The following PDE12 variants were observed in gnomAD, a reference collection of about 807,000 sequenced individuals.
The protein encoded by PDE12 is 2',5'-phosphodiesterase 12.
In PDE12, 26 loss-of-function variants were observed where a neutral mutation model predicts 45.4. That is an observed-to-expected ratio of 0.57 (90% CI 0.42 to 0.79). The LOEUF is 0.79. Ranked by LOEUF, PDE12 falls within the 30% of genes least tolerant of loss-of-function variation. PDE12 has a pLI of 0.00. For synonymous variants in PDE12, 283 were observed against 323.9 expected (o/e 0.87, Z 1.36); for missense variants, 668 against 790.0 (o/e 0.85, Z 1.85).
chr3:57,644,999 T>C, the PDE12 span, among the ~76,000 whole-genome samples: 1 of 151,718 alleles, frequency 6.6e-6, no homozygotes, highest in Non-Finnish European at 1.5e-5. Context: ...ATTTTTGTTG[T>C]TGCTTTAGAA....
the PDE12 span, chr3:57,584,346 A>C: frequency 2.8e-6 from 4 of 1,454,400 alleles, no homozygotes; most frequent in Admixed American, 3.5e-5. Context: ...TCACTTTACA[A>C]CATATCATGA....
rs1020036109 is a variant in PDE12, at chr3:57,556,506, G to C, written c.127G>C (p.Val43Leu). The change falls in exon 1 of 3, where the codon GTA becomes CTA. Residue 43 changes from valine to leucine, a missense_variant. Val to Leu is a conservative substitution (Grantham distance 32). This residue lies in a region of PDE12 where 580 missense variants were observed against 662.9 expected (regional missense o/e 0.87). Transcript: ENST00000311180. The surrounding 1 kb of genome is among the most constrained non-coding windows in gnomAD (Gnocchi z 5.0). The stretch of plus-strand genomic sequence containing the variant: ...GATGGAGCGCGCTGTAGTGCGCTGC[G>C]TACCTTCGGAACCCAAGCTGAGCCT... ...GAMERAVVRCVPSEPKLSLSF... is the reference protein window; with the variant it reads ...GAMERAVVRCLPSEPKLSLSF... 3.1e-6 allele frequency: 5 copies of C among 1,613,414 alleles called. No homozygotes were observed. Among genetic ancestry groups the C allele is most frequent in the Admixed American group, 1.7e-5 (1 of 60,036 alleles).
rs1008289622 is a variant in PDE12, at chr3:57,556,480, C to T, written c.101C>T (p.Ala34Val). The change falls in exon 1 of 3, where the codon GCG becomes GTG. Residue 34 changes from alanine (A) to valine (V), a missense_variant. Physicochemically the swap from Ala to Val is moderately conservative, Grantham distance 64. This residue lies in a region of PDE12 where 580 missense variants were observed against 662.9 expected (regional missense o/e 0.87). Coordinates refer to ENST00000311180, the MANE Select transcript of PDE12 (RefSeq NM_177966.7). This position sits in a 1 kb window ranked among gnomAD's most constrained non-coding sequence, Gnocchi z 5.0. ...GCGGGGAGCCAGACAGCGGCGGGAGCGATGGAGCGCGCTGTAGTGCGCTGC... is the reference window on the plus strand; with the variant it reads ...GCGGGGAGCCAGACAGCGGCGGGAGTGATGGAGCGCGCTGTAGTGCGCTGC... ...AEAGSQTAAG[A>V]MERAVVRCVP... 74 of 1,612,532 alleles carry T rather than the reference C, an allele frequency of 4.6e-5. No homozygotes were observed. The Admixed American group carries it at 1.2e-3, about 27-fold the overall frequency.
the PDE12 span, among the ~76,000 whole-genome samples, chr3:57,608,787 C>T: frequency 4.6e-5 from 7 of 152,176 alleles, no homozygotes; most frequent in East Asian, 3.9e-4. Flanking sequence ...ATAATAATAA[C>T]GGGAGCCTTT....
chr3:57,559,204 G>A lies in PDE12; in HGVS notation c.1309-106G>A. 3 of 891,452 alleles carry A rather than the reference G, an allele frequency of 3.4e-6. No individual in the cohort carries two copies. In the South Asian group the frequency reaches 4.5e-5, roughly 13 times the overall value. The allele number at this position is 891,452 out of a possible 1,614,324, so 55.2% of individuals were successfully genotyped here. A position where few individuals can be genotyped will look rare whatever the true frequency, so the allele number is the denominator to read the frequency against. On this transcript the variant is annotated intron_variant, in intron 1 of 2. Transcript: ENST00000311180. ...CTACTGCACTCCAGCCTGGTTGACA[G>A]AGTGAGACTGTCTCGAAAAAACTCA...
chr3:57,630,074 T>C, the PDE12 span, among the ~76,000 whole-genome samples: 1 of 152,192 alleles, frequency 6.6e-6, no homozygotes, highest in Non-Finnish European at 1.5e-5. Flanking sequence ...TGAGAAGAGA[T>C]GTGCACATTT....
chr3:57,605,908 ATAAACT>A, the PDE12 span, among the ~76,000 whole-genome samples: 36 of 152,322 alleles, frequency 2.4e-4, no homozygotes, highest in African/African-American at 7.7e-4. Context: ...GAAAAGATTA[ATAAACT>A]TAAACTCATA....
chr3:57,607,979 G>A, the PDE12 span, among the ~76,000 whole-genome samples: 1 of 152,090 alleles, frequency 6.6e-6, no homozygotes, highest in East Asian at 1.9e-4. Context: ...ATTAAGGGCA[G>A]CCAGAGAGAA....
chr3:57,591,066 C>G, the PDE12 span, among the ~76,000 whole-genome samples: 1 of 152,080 alleles, frequency 6.6e-6, no homozygotes, highest in Non-Finnish European at 1.5e-5. Context: ...AACAGAAGAA[C>G]AGATATTTAA....
At chr3:57,586,815 G>A in the PDE12 span, among the ~76,000 whole-genome samples, 34 of 152,192 alleles carry the variant, frequency 2.2e-4, no homozygotes, top group African/African-American at 7.5e-4. Flanking sequence ...AAAACAACTG[G>A]ATCTTTAAAT....
At chr3:57,647,303 C>CA in the PDE12 span, among the ~76,000 whole-genome samples, 6 of 152,156 alleles carry the variant, frequency 3.9e-5, no homozygotes, top group South Asian at 2.1e-4. Context: ...CAAACAACAA[C>CA]AAAAAAACAG....
At chr3:57,650,785 A>ATTT in the PDE12 span, among the ~76,000 whole-genome samples, 8 of 143,018 alleles carry the variant, frequency 5.6e-5, no homozygotes, top group East Asian at 2.0e-4. Context: ...TCCACATGGA[A>ATTT]TTTTTTTTTT....
the PDE12 span, among the ~76,000 whole-genome samples, chr3:57,652,145 C>T: frequency 6.6e-6 from 1 of 152,310 alleles, no homozygotes; most frequent in African/African-American, 2.4e-5. Flanking sequence ...TGAGCGCGGA[C>T]TGGATTACTG....
the PDE12 span, chr3:57,646,406 A>G: frequency 6.2e-7 from 1 of 1,614,004 alleles, no homozygotes; most frequent in East Asian, 2.2e-5. Flanking sequence ...CTCCCAGAGC[A>G]TCTGACTATG....
chr3:57,557,439 C>G lies in PDE12; in HGVS notation c.1060C>G (p.Arg354Gly). 2 of 1,613,996 alleles carry G rather than the reference C, an allele frequency of 1.2e-6. No homozygotes were observed. Among genetic ancestry groups the G allele is most frequent in the Non-Finnish European group, 1.7e-6 (2 of 1,180,022 alleles). The change falls in exon 1 of 3, where the codon CGC becomes GGC. Residue 354 changes from arginine to glycine, a missense_variant. By Grantham distance (125) the Arg-to-Gly change is moderately radical. Around this residue, in one of 3 missense-constraint regions of PDE12, gnomAD observed 580 missense variants for 662.9 expected, o/e 0.87. Transcript: ENST00000311180. Reference sequence around the variant, plus strand: ...TGTCATCTGTTTGCAGGAGGTTGACCGCGCAGTGTTTTCTGACAGCTTGGT... The same window carrying G: ...TGTCATCTGTTTGCAGGAGGTTGACGGCGCAGTGTTTTCTGACAGCTTGGT... ...ADVICLQEVD[R>G]AVFSDSLVPA...
the PDE12 span, among the ~76,000 whole-genome samples, chr3:57,576,860 A>G: frequency 1.3e-5 from 2 of 152,150 alleles, no homozygotes; most frequent in Non-Finnish European, 2.9e-5. Context: ...CTATTAAAAA[A>G]CATTTCTGAA....
the PDE12 span, among the ~76,000 whole-genome samples, chr3:57,609,744 A>G: frequency 4.6e-5 from 7 of 152,192 alleles, no homozygotes; most frequent in Non-Finnish European, 7.3e-5. Flanking sequence ...AATAATTAAT[A>G]GCCTACCAAC....
At chr3:57,602,346 CTT>C in the PDE12 span, among the ~76,000 whole-genome samples, 1 of 152,290 alleles carries the variant, frequency 6.6e-6, no homozygotes, top group Non-Finnish European at 1.5e-5. Flanking sequence ...CACCACTGCT[CTT>C]GTTTAAAGTT....
At chr3:57,635,628 T>A in the PDE12 span, among the ~76,000 whole-genome samples, 10 of 152,180 alleles carry the variant, frequency 6.6e-5, no homozygotes, top group African/African-American at 1.9e-4. Flanking sequence ...GTTTAAATAG[T>A]TACATAGATC....
Sources: gnomAD v4.1 joint callset for allele counts (sites outside exome capture counted in the v4.1 genomes callset) on GRCh38, gnomAD v4.1.1 for gene constraint, gnomAD v4.1.1 regional missense constraint, Gnocchi (gnomAD v3.1) non-coding constraint, MANE v1.5 for transcripts, NCBI Gene and HGNC (gene_info 2026-07-23, HGNC 2026-07-21) for gene names.